PTPRT: variants seen among roughly 807,000 people sequenced by gnomAD.
The protein encoded by PTPRT is receptor-type tyrosine-protein phosphatase T.
PTPRT carries 56 observed loss-of-function variants against 176.8 expected under a neutral mutation model. The observed-to-expected ratio is 0.32, with a 90% CI of 0.26 to 0.40. PTPRT has a LOEUF of 0.40. PTPRT is among the 10% of genes least tolerant of loss of function. PTPRT has a pLI of 1.00. For synonymous variants in PTPRT, 783 were observed against 739.0 expected (o/e 1.06, Z -0.96); for missense variants, 1,540 against 1,908.2 (o/e 0.81, Z 3.60).
rs1196731478 is a variant in PTPRT at position 42,620,253 on chromosome 20, G to A, written c.1153+57613C>T. Among the ~76,000 whole-genome samples the A allele has an allele frequency of 3.0e-3, 447 of 150,164 alleles. 1 individual carries two copies. The highest frequency in any genetic ancestry group is 0.011 in the African/African-American group (423 of 39,978). ...GGGGTGCCTCCCAGTTAGGCTGCTC[G>A]GGGGTCAGGGGTCAGGGACCCACTT... On this transcript the variant is annotated intron_variant, in intron 7 of 30. Coordinates refer to ENST00000373187, the MANE Select transcript of PTPRT (RefSeq NM_007050.6).
intron 1 of PTPRT, among the ~76,000 whole-genome samples, chr20:43,149,868 T>C (rs941977986): frequency 6.6e-6 from 1 of 152,172 alleles, no homozygotes; most frequent in African/African-American, 2.4e-5. Flanking sequence ...GAAGGTAAAA[T>C]GGCAACAGCC....
At chr20:42,339,146 C>T (rs2058078706) in intron 11 of PTPRT, among the ~76,000 whole-genome samples, 1 of 152,180 alleles carries the variant, frequency 6.6e-6, no homozygotes, top group Non-Finnish European at 1.5e-5. Flanking sequence ...CACAAAAGAA[C>T]ACAGATTTGT....
chr20:42,804,975 A>C (rs1427694939), intron 2 of PTPRT, among the ~76,000 whole-genome samples: 2 of 152,204 alleles, frequency 1.3e-5, no homozygotes, highest in Admixed American at 1.3e-4. Flanking sequence ...GAGTGAAGAC[A>C]TCAACATATG....
At chr20:42,069,111 A>G (rs1450107808), downstream of PTPRT, among the ~76,000 whole-genome samples, 1 of 152,236 alleles carries the variant, frequency 6.6e-6, no homozygotes, top group Non-Finnish European at 1.5e-5. Context: ...ACTTGTTTAT[A>G]TAATACTAAA....
intron 16 of PTPRT, among the ~76,000 whole-genome samples, chr20:42,169,390 A>AGATGGAAG (rs1989975432): frequency 6.6e-6 from 1 of 152,126 alleles, no homozygotes; most frequent in Non-Finnish European, 1.5e-5. Flanking sequence ...CACTCACACC[A>AGATGGAAG]GATGGAAGGA....
At chr20:42,498,095 A>G (rs1042640944) in intron 7 of PTPRT, among the ~76,000 whole-genome samples, 2 of 152,156 alleles carry the variant, frequency 1.3e-5, no homozygotes, top group African/African-American at 4.8e-5. Flanking sequence ...ACACTATTGC[A>G]CCAAACATGA....
At chr20:43,101,520 T>C (rs1405109936) in intron 1 of PTPRT, among the ~76,000 whole-genome samples, 10 of 152,134 alleles carry the variant, frequency 6.6e-5, no homozygotes. Context: ...GATTAAATGA[T>C]GTAATATGGT....
intron 1 of PTPRT, chr20:43,063,571 T>A (rs1217391842): frequency 6.6e-6 from 1 of 152,294 alleles, no homozygotes; most frequent in African/African-American, 2.4e-5. Flanking sequence ...AAGAGCCAAC[T>A]TCTCCTGCTA....
chr20:42,824,071 G>A (rs1443387263), intron 2 of PTPRT, among the ~76,000 whole-genome samples: 6 of 149,708 alleles, frequency 4.0e-5, no homozygotes, highest in African/African-American at 7.4e-5. Flanking sequence ...AGATATGAGA[G>A]GTCCAGATGA....
intron 9 of PTPRT, among the ~76,000 whole-genome samples, chr20:42,430,741 G>GT (rs2059209578): frequency 2.0e-5 from 3 of 152,302 alleles, no homozygotes; most frequent in African/African-American, 7.2e-5. Flanking sequence ...TGAGGCAAGA[G>GT]TGTCTCCAGC....
chr20:42,533,896 T>C (rs1013487085), intron 7 of PTPRT, among the ~76,000 whole-genome samples: 2 of 152,198 alleles, frequency 1.3e-5, no homozygotes, highest in Admixed American at 6.5e-5. Flanking sequence ...AAGTGTGGCA[T>C]TGAGGTGTCC....
At chr20:42,117,247 C>T (rs1340019725) in intron 21 of PTPRT, among the ~76,000 whole-genome samples, 1 of 152,208 alleles carries the variant, frequency 6.6e-6, no homozygotes, top group Non-Finnish European at 1.5e-5. Context: ...GTCTCCTTCC[C>T]ATCGTCGCAG....
intron 1 of PTPRT, among the ~76,000 whole-genome samples, chr20:42,979,858 G>A (rs1983168374): frequency 6.6e-6 from 1 of 151,860 alleles, no homozygotes; most frequent in Non-Finnish European, 1.5e-5. Context: ...GGTATTCCCA[G>A]AACGTCTATC....
chr20:42,436,419 T>A (rs952926728), intron 9 of PTPRT, among the ~76,000 whole-genome samples: 3 of 152,002 alleles, frequency 2.0e-5, no homozygotes, highest in Non-Finnish European at 4.4e-5. Context: ...TGAACAGATA[T>A]CCCACAGAAA....
intron 6 of PTPRT, among the ~76,000 whole-genome samples, chr20:42,718,265 C>A (rs571422141): frequency 1.3e-5 from 2 of 152,316 alleles, no homozygotes; most frequent in South Asian, 4.1e-4. Context: ...GGGCCAGGCA[C>A]GGTGGCTCAC....
intron 18 of PTPRT, among the ~76,000 whole-genome samples, chr20:42,129,160 T>G (rs1988007644): frequency 6.6e-6 from 1 of 152,190 alleles, no homozygotes; most frequent in Non-Finnish European, 1.5e-5. Context: ...AGAGACCATA[T>G]AAAAATGCTT....
At chr20:42,061,317 G>C in the PTPRT span, among the ~76,000 whole-genome samples, 1 of 152,144 alleles carries the variant, frequency 6.6e-6, no homozygotes, top group Non-Finnish European at 1.5e-5. Context: ...CTCAGAGTCT[G>C]TTGGCCAGAA....
intron 13 of PTPRT, among the ~76,000 whole-genome samples, chr20:42,266,974 T>C (rs997954118): frequency 6.6e-6 from 1 of 152,184 alleles, no homozygotes; most frequent in South Asian, 2.1e-4. Context: ...GAATGTAAAA[T>C]ATCTTTCATC....
intron 1 of PTPRT, among the ~76,000 whole-genome samples, chr20:43,178,122 A>T (rs2146475051): frequency 6.6e-6 from 1 of 152,350 alleles, no homozygotes; most frequent in East Asian, 1.9e-4. Context: ...GTTGAAAACC[A>T]TACATTTCCT....
Sources: gnomAD v4.1 joint callset for allele counts (sites outside exome capture counted in the v4.1 genomes callset) on GRCh38, gnomAD v4.1.1 for gene constraint, MANE v1.5 for transcripts, NCBI Gene and HGNC (gene_info 2026-07-23, HGNC 2026-07-21) for gene names.